Variants in GRK3 observed in about 807,000 individuals in gnomAD.
GRK3 encodes the protein G protein-coupled receptor kinase 3, also known as adrenergic, beta, receptor kinase 2.
Under a neutral mutation model 95.7 loss-of-function variants are expected in GRK3, and 54 were observed. The observed-to-expected ratio is 0.56, with a 90% CI of 0.45 to 0.71. The LOEUF (loss-of-function observed/expected upper bound fraction) is 0.71. Ranked by LOEUF, GRK3 falls within the 30% of genes least tolerant of loss-of-function variation. The pLI, the probability that GRK3 is intolerant of heterozygous loss-of-function variation, is 0.00. For synonymous variants in GRK3, 281 were observed against 290.8 expected (o/e 0.97, Z 0.34); for missense variants, 649 against 851.2 (o/e 0.76, Z 2.96).
At position 25,640,665 on chromosome 22, in the gene GRK3, A is replaced by G. The variant is rs758108342; in HGVS notation, c.191-3927A>G. 1.4e-3 allele frequency among the ~76,000 whole-genome samples: 208 copies of G among 152,284 alleles called. 2 individuals carry two copies. The highest frequency in any genetic ancestry group is 2.7e-3 in the Non-Finnish European group (182 of 68,006). ...TTTAATTTCAAATTTTCTCATAGAA[A>G]CCACTTATATTTAATACTTTCAAAA... On this transcript the variant is annotated intron_variant, in intron 2 of 20. Transcript: ENST00000324198.
At chr22:25,572,735 A>G (rs2086836287) in intron 1 of GRK3, among the ~76,000 whole-genome samples, 1 of 152,186 alleles carries the variant, frequency 6.6e-6, no homozygotes, top group Non-Finnish European at 1.5e-5. Context: ...AGCAGAGTTG[A>G]CTCATTCTTT....
At chr22:25,570,570 G>A (rs1026450837) in intron 1 of GRK3, among the ~76,000 whole-genome samples, 4 of 152,184 alleles carry the variant, frequency 2.6e-5, no homozygotes, top group Non-Finnish European at 5.9e-5. Flanking sequence ...GAAAATGTAG[G>A]CTGTCTGCAT....
At chr22:25,620,195 T>C (rs959730119) in intron 2 of GRK3, among the ~76,000 whole-genome samples, 1 of 151,972 alleles carries the variant, frequency 6.6e-6, no homozygotes, top group Non-Finnish European at 1.5e-5. Flanking sequence ...CAGGTGTATA[T>C]ATAGAGAGGC....
intron 1 of GRK3, among the ~76,000 whole-genome samples, chr22:25,583,357 C>CTTTTTTTTTTTTTTTTTTTTTT (rs113355685): frequency 7.4e-6 from 1 of 135,576 alleles, no homozygotes; most frequent in Non-Finnish European, 1.6e-5. Context: ...TTTCTGTGTA[C>CTTTTTTTTTTTTTTTTTTTTTT]TTTTTTTTTT....
At chr22:25,665,553 G>T (rs1405299095) in intron 5 of GRK3, among the ~76,000 whole-genome samples, 4 of 151,740 alleles carry the variant, frequency 2.6e-5, no homozygotes, top group Admixed American at 1.3e-4. Flanking sequence ...ACACTTTATT[G>T]ATTTGTTTTG....
At chr22:25,599,186 C>T (rs1330139738) in intron 1 of GRK3, among the ~76,000 whole-genome samples, 1 of 152,064 alleles carries the variant, frequency 6.6e-6, no homozygotes. Flanking sequence ...GCTATGACAC[C>T]ATTAAAGAAA....
chr22:25,665,823 A>G (rs1384557675), intron 5 of GRK3, among the ~76,000 whole-genome samples: 2 of 152,226 alleles, frequency 1.3e-5, no homozygotes, highest in African/African-American at 4.8e-5. Flanking sequence ...TTTAAAGTAA[A>G]TACGAATGCT....
chr22:25,575,899 C>T (rs544968289), intron 1 of GRK3, among the ~76,000 whole-genome samples: 31 of 152,298 alleles, frequency 2.0e-4, no homozygotes, highest in African/African-American at 7.2e-4. Flanking sequence ...TTTATTATGT[C>T]ACTGTACTAA....
intron 2 of GRK3, among the ~76,000 whole-genome samples, chr22:25,624,002 C>T (rs533927000): frequency 6.6e-6 from 1 of 152,202 alleles, no homozygotes; most frequent in Non-Finnish European, 1.5e-5. Flanking sequence ...ATCCGGCAGT[C>T]TGAAAACATA....
rs200434126 is a variant in GRK3, at chr22:25,700,400, G to A, written c.1161-3110G>A. Among the ~76,000 whole-genome samples, 152 of 152,172 alleles carry A rather than the reference G, an allele frequency of 1.0e-3. 2 individuals carry two copies. The highest frequency in any genetic ancestry group is 3.1e-4 in the Non-Finnish European group (21 of 68,032). On this transcript the variant is annotated intron_variant, in intron 13 of 20. Coordinates refer to ENST00000324198, the MANE Select transcript of GRK3 (RefSeq NM_005160.4). The stretch of plus-strand genomic sequence containing the variant: ...TGGCCTCGATCTTAAGCTTGTCACC[G>A]TTGATTGTCTCCCCGTGGAGTTGTC...
At position 25,719,825 on chromosome 22, in the gene GRK3, A is replaced by C. The variant is rs1415876661; in HGVS notation, c.1791+1444A>C. On this transcript the variant is annotated intron_variant, in intron 19 of 20. Coordinates refer to ENST00000324198, the MANE Select transcript of GRK3 (RefSeq NM_005160.4). Reference sequence around the variant, plus strand: ...TCCAGAGATCAGAAGTGTGGAAAACAGGGCACCTAAATCTCATGTATTTGA... The same window carrying C: ...TCCAGAGATCAGAAGTGTGGAAAACCGGGCACCTAAATCTCATGTATTTGA... Among the ~76,000 whole-genome samples, 7 of 152,344 alleles carry C rather than the reference A, an allele frequency of 4.6e-5. No homozygotes were observed. The East Asian group carries it at 1.3e-3, about 29-fold the overall frequency.
chr22:25,711,414 G>A (rs1380452802), intron 17 of GRK3, among the ~76,000 whole-genome samples: 1 of 152,054 alleles, frequency 6.6e-6, no homozygotes, highest in Admixed American at 6.6e-5. Context: ...ATTTGTGATT[G>A]AAATAAAACT....
chr22:25,635,240 C>T (rs976192980), intron 2 of GRK3, among the ~76,000 whole-genome samples: 2 of 152,128 alleles, frequency 1.3e-5, no homozygotes, highest in Non-Finnish European at 1.5e-5. Flanking sequence ...ATACATTTTG[C>T]CTCATTTGTT....
At chr22:25,568,283 T>A (rs1931564290) in intron 1 of GRK3, among the ~76,000 whole-genome samples, 1 of 152,216 alleles carries the variant, frequency 6.6e-6, no homozygotes, top group Non-Finnish European at 1.5e-5. Flanking sequence ...AGACGACTTT[T>A]ACTGTAGGCT....
At chr22:25,690,413 C>A in intron 12 of GRK3, 130 bp downstream of exon 12, 2 of 673,340 alleles carry the variant, frequency 3.0e-6, no homozygotes, top group South Asian at 1.8e-5. Flanking sequence ...CATCACAGGT[C>A]GTGGGAAAGG....
chr22:25,570,989 A>G (rs1224453533), intron 1 of GRK3, among the ~76,000 whole-genome samples: 3 of 152,176 alleles, frequency 2.0e-5, no homozygotes, highest in Non-Finnish European at 4.4e-5. Flanking sequence ...ATGCAGTGAA[A>G]ATATTTTTGC....
intron 3 of GRK3, among the ~76,000 whole-genome samples, chr22:25,658,386 C>T (rs924396079): frequency 1.3e-5 from 2 of 152,228 alleles, no homozygotes; most frequent in East Asian, 1.9e-4. Context: ...GCCCTGTCCT[C>T]TCTGCAGTGG....
intron 3 of GRK3, chr22:25,647,475 G>A: frequency 7.5e-7 from 1 of 1,339,774 alleles, no homozygotes; most frequent in Non-Finnish European, 1.1e-6. Flanking sequence ...ACACCTTTTG[G>A]AGGTGGGCAT....
intron 1 of GRK3, among the ~76,000 whole-genome samples, chr22:25,588,127 C>G (rs561304924): frequency 1.3e-5 from 2 of 152,124 alleles, no homozygotes; most frequent in African/African-American, 2.4e-5. Context: ...GGGATAGTTT[C>G]AAGTATAAAG....
Sources: gnomAD v4.1 joint callset for allele counts (sites outside exome capture counted in the v4.1 genomes callset) on GRCh38, gnomAD v4.1.1 for gene constraint, MANE v1.5 for transcripts, NCBI Gene and HGNC (gene_info 2026-07-23, HGNC 2026-07-21) for gene names.